The following LPP variants were observed in gnomAD, a reference collection of about 807,000 sequenced individuals.
The protein encoded by LPP is lipoma-preferred partner.
LPP carries 38 observed loss-of-function variants against 60.4 expected under a neutral mutation model. The observed-to-expected ratio is 0.63, with a 90% CI of 0.49 to 0.83. The LOEUF is 0.83. Ranked by LOEUF, LPP falls within the 40% of genes least tolerant of loss-of-function variation. LPP has a pLI of 0.00. For synonymous variants in LPP, 328 were observed against 290.8 expected (o/e 1.13, Z -1.30); for missense variants, 902 against 783.6 (o/e 1.15, Z -1.80).
At chr3:188,791,361 C>T (rs530879669) in intron 9 of LPP, among the ~76,000 whole-genome samples, 3 of 152,280 alleles carry the variant, frequency 2.0e-5, no homozygotes, top group Admixed American at 1.3e-4. Context: ...TAAAACTCTT[C>T]AATGAGTCCC....
intron 9 of LPP, among the ~76,000 whole-genome samples, chr3:188,830,155 A>G (rs965447103): frequency 6.6e-6 from 1 of 152,106 alleles, no homozygotes; most frequent in Non-Finnish European, 1.5e-5. Flanking sequence ...TGGACATTTT[A>G]TGTAATTTCC....
At chr3:188,449,877 T>C (rs1018190837) in intron 4 of LPP, among the ~76,000 whole-genome samples, 1 of 152,200 alleles carries the variant, frequency 6.6e-6, no homozygotes, top group Non-Finnish European at 1.5e-5. Flanking sequence ...CAATCTCAGC[T>C]CACTGCAACC....
chr3:188,798,167 A>G lies in LPP; in HGVS notation c.1410+37885A>G, dbSNP rs149824833. 3.6e-3 allele frequency among the ~76,000 whole-genome samples: 541 copies of G among 152,338 alleles called. 5 individuals are homozygous for G. The highest frequency in any genetic ancestry group is 0.012 in the African/African-American group (507 of 41,572). On this transcript the variant is annotated intron_variant, in intron 9 of 11. Transcript: ENST00000617246. Reference sequence around the variant, plus strand: ...GTAGTAATGACAAATTTAATAGTGAATACTTACAGTAGTGCATTTCATCCT... The same window carrying G: ...GTAGTAATGACAAATTTAATAGTGAGTACTTACAGTAGTGCATTTCATCCT...
intron 8 of LPP, among the ~76,000 whole-genome samples, chr3:188,729,928 T>G (rs1230944308): frequency 6.6e-6 from 1 of 152,054 alleles, no homozygotes. Flanking sequence ...TTTTGGTGGC[T>G]GCAGTGAGCT....
At chr3:188,228,735 C>G (rs1718743991) in intron 2 of LPP, among the ~76,000 whole-genome samples, 1 of 152,182 alleles carries the variant, frequency 6.6e-6, no homozygotes, top group African/African-American at 2.4e-5. Flanking sequence ...GAAGTCCTGA[C>G]AAGTATGAGA....
intron 5 of LPP, among the ~76,000 whole-genome samples, chr3:188,497,291 G>T (rs1020895335): frequency 3.3e-5 from 5 of 152,160 alleles, no homozygotes; most frequent in African/African-American, 1.2e-4. Flanking sequence ...TCTAGCCGTA[G>T]AGGTGGTATG....
At chr3:188,462,592 G>GCA (rs1560436712) in intron 4 of LPP, among the ~76,000 whole-genome samples, 31 of 4,766 alleles carry the variant, frequency 6.5e-3, no homozygotes, top group East Asian at 0.011. Flanking sequence ...ATATGCATGT[G>GCA]TGTGTGTGTG....
intron 4 of LPP, among the ~76,000 whole-genome samples, chr3:188,448,197 C>G (rs192665294): frequency 1.3e-5 from 2 of 152,038 alleles, no homozygotes; most frequent in African/African-American, 4.8e-5. Context: ...TGTTGGCAGA[C>G]GTCTTGGGTT....
At chr3:188,856,480 C>T (rs996712878) in intron 9 of LPP, among the ~76,000 whole-genome samples, 2 of 152,148 alleles carry the variant, frequency 1.3e-5, no homozygotes, top group Non-Finnish European at 2.9e-5. Flanking sequence ...TAGGGTCGAT[C>T]CTTCTGTGTA....
At chr3:188,714,430 G>A (rs1402961838) in intron 8 of LPP, among the ~76,000 whole-genome samples, 5 of 152,158 alleles carry the variant, frequency 3.3e-5, no homozygotes, top group Non-Finnish European at 7.3e-5. Flanking sequence ...TAGGAAGACC[G>A]TCTACCGAAT....
At chr3:188,356,519 A>C (rs1015963448) in intron 3 of LPP, among the ~76,000 whole-genome samples, 40 of 152,172 alleles carry the variant, frequency 2.6e-4, no homozygotes, top group African/African-American at 9.4e-4. Context: ...CGCTTGTTAA[A>C]ATTTAGAGTT....
At chr3:188,486,698 T>G (rs1806653810) in intron 5 of LPP, among the ~76,000 whole-genome samples, 1 of 152,222 alleles carries the variant, frequency 6.6e-6, no homozygotes, top group African/African-American at 2.4e-5. Context: ...AGTCTAGATC[T>G]TTTAAGGCTA....
chr3:188,759,690 C>A (rs926008925), intron 8 of LPP, among the ~76,000 whole-genome samples: 1 of 152,190 alleles, frequency 6.6e-6, no homozygotes, highest in Non-Finnish European at 1.5e-5. Flanking sequence ...ATCTTACATT[C>A]TAACTGGATG....
At chr3:188,645,809 CA>C (rs397745386) in intron 7 of LPP, among the ~76,000 whole-genome samples, 44 of 135,408 alleles carry the variant, frequency 3.2e-4, no homozygotes, top group African/African-American at 3.2e-4. Context: ...AATATAAGTT[CA>C]AAAAAAAAAA....
intron 4 of LPP, among the ~76,000 whole-genome samples, chr3:188,430,800 A>C (rs562797952): frequency 5.9e-5 from 9 of 152,258 alleles, no homozygotes; most frequent in Admixed American, 1.3e-4. Flanking sequence ...GCTTTACACC[A>C]TCACTGATGA....
chr3:188,665,919 TTA>T (rs1855698861), intron 7 of LPP, among the ~76,000 whole-genome samples: 3 of 152,248 alleles, frequency 2.0e-5, no homozygotes, highest in African/African-American at 7.2e-5. Flanking sequence ...GTATATAATT[TTA>T]TCTTAGCCTG....
chr3:188,854,303 T>C (rs912094191), intron 9 of LPP, among the ~76,000 whole-genome samples: 3 of 152,184 alleles, frequency 2.0e-5, no homozygotes, highest in African/African-American at 4.8e-5. Flanking sequence ...TTATTTCTAG[T>C]GTCAGAAAAT....
intron 2 of LPP, among the ~76,000 whole-genome samples, chr3:188,295,191 CCAATTAAACTTTAATGAACAA>C (rs1234291796): frequency 6.6e-6 from 1 of 152,206 alleles, no homozygotes; most frequent in Admixed American, 6.5e-5. Context: ...CACATGAACT[CCAATTAAACTTTAATGAACAA>C]GTGGGTGTAT....
At chr3:188,235,149 G>C (rs779294296) in intron 2 of LPP, among the ~76,000 whole-genome samples, 1 of 152,174 alleles carries the variant, frequency 6.6e-6, no homozygotes, top group African/African-American at 2.4e-5. Context: ...AAATAAAGGG[G>C]CAGGAGGAGG....
Sources: allele counts gnomAD v4.1 joint callset (sites outside exome capture counted in the v4.1 genomes callset), GRCh38; gene constraint gnomAD v4.1.1; transcripts MANE v1.5; gene names NCBI Gene and HGNC (gene_info 2026-07-23, HGNC 2026-07-21).